The following LAMA2 variants were observed in gnomAD, a reference collection of about 807,000 sequenced individuals.
LAMA2 encodes the protein laminin subunit alpha-2.
LAMA2 carries 269 observed loss-of-function variants against 364.8 expected under a neutral mutation model. The ratio of observed to expected loss-of-function variants is 0.74; its 90% CI spans 0.67 to 0.82. The LOEUF is 0.82. LAMA2 is among the 40% of genes least tolerant of loss of function. The probability of loss-of-function intolerance (pLI) is 0.00; values close to 1 mark genes in which losing one functional copy is unlikely to be tolerated. For synonymous variants in LAMA2, 1,379 were observed against 1,370.6 expected (o/e 1.01, Z -0.14); for missense variants, 3,807 against 3,873.2 (o/e 0.98, Z 0.45).
intron 14 of LAMA2, among the ~76,000 whole-genome samples, chr6:129,254,621 G>T (rs540699118): frequency 2.0e-5 from 3 of 152,276 alleles, no homozygotes; most frequent in Non-Finnish European, 4.4e-5. Context: ...ACATATGACA[G>T]TTCTTACTAT....
At chr6:128,961,318 G>GATAGATAGATAT (rs1257743658) in intron 1 of LAMA2, among the ~76,000 whole-genome samples, 1 of 57,786 alleles carries the variant, frequency 1.7e-5, no homozygotes, top group Non-Finnish European at 3.7e-5. Flanking sequence ...GAACTAATAT[G>GATAGATAGATAT]ATATATATAT....
At chr6:128,995,882 T>A (rs966090163) in intron 1 of LAMA2, among the ~76,000 whole-genome samples, 2 of 152,208 alleles carry the variant, frequency 1.3e-5, no homozygotes, top group Admixed American at 6.5e-5. Flanking sequence ...AGTACTGAAC[T>A]TTTTTCTTTA....
intron 18 of LAMA2, among the ~76,000 whole-genome samples, chr6:129,282,755 A>G (rs1052589814): frequency 6.6e-6 from 1 of 152,040 alleles, no homozygotes; most frequent in Non-Finnish European, 1.5e-5. Flanking sequence ...CCATGCTAAG[A>G]CCCACCAACA....
chr6:129,286,620 AAT>A (rs1429611896), intron 18 of LAMA2, among the ~76,000 whole-genome samples: 5 of 94,828 alleles, frequency 5.3e-5, no homozygotes, highest in African/African-American at 2.6e-4. Context: ...ATATTTATAT[AAT>A]ATATATAATA....
chr6:129,242,269 T>C (rs1785440717), intron 12 of LAMA2, among the ~76,000 whole-genome samples: 1 of 152,162 alleles, frequency 6.6e-6, no homozygotes, highest in Admixed American at 6.5e-5. Flanking sequence ...AAGCAGTAAG[T>C]GAAAGGTTAA....
chr6:129,082,195 C>A (rs1774102478), intron 3 of LAMA2, among the ~76,000 whole-genome samples: 1 of 152,036 alleles, frequency 6.6e-6, no homozygotes, highest in Non-Finnish European at 1.5e-5. Flanking sequence ...TAAGTGGATA[C>A]TGGTGACTGG....
At chr6:129,413,986 C>T (rs569634794) in intron 40 of LAMA2, among the ~76,000 whole-genome samples, 110 of 112,538 alleles carry the variant, frequency 9.8e-4, no homozygotes, top group African/African-American at 3.9e-3. Context: ...AAGACAAGAA[C>T]AATTAAGCAA....
intron 1 of LAMA2, among the ~76,000 whole-genome samples, chr6:129,022,962 C>T (rs149532766): frequency 4.3e-4 from 65 of 152,262 alleles, no homozygotes; most frequent in African/African-American, 1.5e-3. Context: ...ATCAGGGCCC[C>T]ACTCCATCCA....
intron 1 of LAMA2, among the ~76,000 whole-genome samples, chr6:129,048,858 G>A (rs887865272): frequency 3.3e-5 from 5 of 151,694 alleles, no homozygotes; most frequent in Admixed American, 6.6e-5. Context: ...CAAGTGATCC[G>A]CCCACCTCAG....
At chr6:129,305,897 A>G (rs986767481) in intron 22 of LAMA2, among the ~76,000 whole-genome samples, 2 of 151,826 alleles carry the variant, frequency 1.3e-5, no homozygotes, top group African/African-American at 4.8e-5. Context: ...GGATTATTAA[A>G]TATACCTATT....
chr6:128,884,327 G>T (rs1333477848), intron 1 of LAMA2, among the ~76,000 whole-genome samples: 2 of 150,976 alleles, frequency 1.3e-5, no homozygotes, highest in Non-Finnish European at 2.9e-5. Context: ...AAAAAAAAAA[G>T]AAATATTTAT....
chr6:129,370,243 A>G (rs1777998676), intron 34 of LAMA2, among the ~76,000 whole-genome samples: 1 of 152,228 alleles, frequency 6.6e-6, no homozygotes, highest in Non-Finnish European at 1.5e-5. Context: ...TGAGAACTTT[A>G]TTCAGTAGCC....
At chr6:129,065,884 C>A (rs577002180) in intron 3 of LAMA2, among the ~76,000 whole-genome samples, 18 of 151,786 alleles carry the variant, frequency 1.2e-4, no homozygotes, top group Non-Finnish European at 2.6e-4. Flanking sequence ...CAGGGGTTTC[C>A]GCTTTTGCAT....
At chr6:129,004,429 A>T (rs1175567618) in intron 1 of LAMA2, among the ~76,000 whole-genome samples, 1 of 61,824 alleles carries the variant, frequency 1.6e-5, no homozygotes, top group East Asian at 2.2e-4. Context: ...AAAAAAAAAA[A>T]AGAAGTATGA....
intron 9 of LAMA2, among the ~76,000 whole-genome samples, chr6:129,175,344 C>G (rs1200015665): frequency 6.6e-6 from 1 of 152,226 alleles, no homozygotes; most frequent in East Asian, 1.9e-4. Context: ...ATAATAGTGT[C>G]TATCTCATAT....
intron 3 of LAMA2, among the ~76,000 whole-genome samples, chr6:129,063,709 C>T (rs961396602): frequency 6.6e-6 from 1 of 152,192 alleles, no homozygotes; most frequent in African/African-American, 2.4e-5. Flanking sequence ...CTTACAGCTA[C>T]AGAGATCACA....
At chr6:129,035,558 A>T (rs1312237638) in intron 1 of LAMA2, among the ~76,000 whole-genome samples, 2 of 129,442 alleles carry the variant, frequency 1.5e-5, no homozygotes, top group Non-Finnish European at 3.3e-5. Context: ...TTGCTTTTGC[A>T]ATTAGTCTTA....
intron 40 of LAMA2, among the ~76,000 whole-genome samples, chr6:129,427,315 T>C (rs1781369467): frequency 1.3e-5 from 2 of 152,224 alleles, no homozygotes; most frequent in African/African-American, 4.8e-5. Context: ...TGCTTAAGGA[T>C]AAAGTCAGGG....
At chr6:129,180,174 C>T (rs970394948) in intron 10 of LAMA2, among the ~76,000 whole-genome samples, 1 of 151,974 alleles carries the variant, frequency 6.6e-6, no homozygotes, top group East Asian at 1.9e-4. Context: ...GTAAAAACAG[C>T]ATGGATCAAA....
Sources: gnomAD v4.1 joint callset for allele counts (sites outside exome capture counted in the v4.1 genomes callset) on GRCh38, gnomAD v4.1.1 for gene constraint, MANE v1.5 for transcripts, NCBI Gene and HGNC (gene_info 2026-07-23, HGNC 2026-07-21) for gene names.